APELA: variants seen among roughly 807,000 people sequenced by gnomAD.
APELA encodes apelin receptor early endogenous ligand.
At chr4:164,882,271 T>G (rs1018144942) in intron 2 of APELA, among the ~76,000 whole-genome samples, 1 of 151,914 alleles carries the variant, frequency 6.6e-6, no homozygotes, top group Non-Finnish European at 1.5e-5. Context: ...ACTCGGCTAA[T>G]TTTGTATTTT....
chr4:164,879,832 T>C (rs1307065030), intron 2 of APELA, among the ~76,000 whole-genome samples: 2 of 152,238 alleles, frequency 1.3e-5, no homozygotes, highest in East Asian at 1.9e-4. Context: ...TTAACACTAA[T>C]AAAATGGCAG....
At chr4:164,894,336 C>CA (rs34056903) in intron 2 of APELA, among the ~76,000 whole-genome samples, 13,174 of 151,262 alleles carry the variant, frequency 0.087, 1,643 homozygotes, top group African/African-American at 0.28. Context: ...GTTTGATAAG[C>CA]AAAAAAAATC....
chr4:164,892,520 T>C (rs1185792970), intron 2 of APELA, among the ~76,000 whole-genome samples: 1 of 152,186 alleles, frequency 6.6e-6, no homozygotes, highest in East Asian at 1.9e-4. Context: ...GTTGCTGAAT[T>C]TAGATTGCTA....
intron 2 of APELA, among the ~76,000 whole-genome samples, chr4:164,887,832 G>A (rs369849855): frequency 5.7e-4 from 86 of 152,092 alleles, no homozygotes; most frequent in African/African-American, 1.0e-3. Flanking sequence ...GGCTGGTCTC[G>A]AACTCCTGAC....
intron 2 of APELA, among the ~76,000 whole-genome samples, chr4:164,879,951 T>C (rs1579106308): frequency 6.6e-6 from 1 of 152,238 alleles, no homozygotes; most frequent in South Asian, 2.1e-4. Context: ...TAAATAATGT[T>C]AGACCACCAC....
At chr4:164,887,016 C>T (rs897001679) in intron 2 of APELA, among the ~76,000 whole-genome samples, 7 of 151,904 alleles carry the variant, frequency 4.6e-5, no homozygotes, top group East Asian at 1.9e-4. Context: ...TTAGTAGAGA[C>T]GGGGTTTCAC....
intron 2 of APELA, among the ~76,000 whole-genome samples, chr4:164,887,166 A>T (rs909569153): frequency 5.3e-5 from 8 of 152,138 alleles, no homozygotes; most frequent in African/African-American, 1.4e-4. Flanking sequence ...TCCTTACAAA[A>T]TGTGTAATAA....
downstream of APELA, chr4:164,898,617 C>A (rs375879757): frequency 9.4e-4 from 143 of 152,202 alleles, no homozygotes; most frequent in African/African-American, 3.3e-3. Context: ...ATGGTGCCAC[C>A]CCAATTTGGA....
At chr4:164,892,231 G>A (rs926407777) in intron 2 of APELA, among the ~76,000 whole-genome samples, 10 of 152,136 alleles carry the variant, frequency 6.6e-5, no homozygotes, top group African/African-American at 1.9e-4. Context: ...TGAAAGAATC[G>A]CCTGATCCCA....
chr4:164,877,206 A>G lies in APELA; in HGVS notation c.-126A>G, dbSNP rs1276602723. The stretch of plus-strand genomic sequence containing the variant: ...GTGATCATTAACCTTCCTGCAAAAC[A>G]CAGCTGGCAGTTCTCTGAGGTTTGT... On this transcript the variant is annotated 5_prime_UTR_variant, in exon 1 of 3. Transcript: ENST00000507152. 1 of 395,516 alleles carries G rather than the reference A, an allele frequency of 2.5e-6. No individual in the cohort carries two copies. Among genetic ancestry groups the G allele is most frequent in the Admixed American group, 4.4e-5 (1 of 22,642 alleles). The allele number at this position is 395,516 out of a possible 1,614,324, so 24.5% of individuals were successfully genotyped here. A position where few individuals can be genotyped will look rare whatever the true frequency, so the allele number is the denominator to read the frequency against.
chr4:164,878,515 G>T (rs954486418), intron 1 of APELA, among the ~76,000 whole-genome samples: 1 of 152,208 alleles, frequency 6.6e-6, no homozygotes, highest in Non-Finnish European at 1.5e-5. Flanking sequence ...ATTGTTTACA[G>T]CAGTCACTAT....
chr4:164,897,996 T>C (rs1355972819), downstream of APELA, among the ~76,000 whole-genome samples: 1 of 152,114 alleles, frequency 6.6e-6, no homozygotes, highest in Non-Finnish European at 1.5e-5. Context: ...GTTCAAGCGA[T>C]TCTGGTGCTT....
At chr4:164,882,422 C>G (rs1296436325) in intron 2 of APELA, among the ~76,000 whole-genome samples, 2 of 151,974 alleles carry the variant, frequency 1.3e-5, no homozygotes, top group Non-Finnish European at 2.9e-5. Context: ...TTTTTAATAA[C>G]AATTGTAATA....
chr4:164,893,279 C>G (rs1730914906), intron 2 of APELA, among the ~76,000 whole-genome samples: 1 of 152,070 alleles, frequency 6.6e-6, no homozygotes, highest in Non-Finnish European at 1.5e-5. Flanking sequence ...GCTGTATTCC[C>G]TAAATATTCA....
downstream of APELA, among the ~76,000 whole-genome samples, chr4:164,898,268 G>A (rs926533579): frequency 2.0e-4 from 31 of 151,560 alleles, no homozygotes; most frequent in East Asian, 4.0e-4. Flanking sequence ...TTGGGAGGCC[G>A]AGGATGGTGG....
At chr4:164,889,365 A>T (rs550020711) in intron 2 of APELA, among the ~76,000 whole-genome samples, 1 of 152,314 alleles carries the variant, frequency 6.6e-6, no homozygotes, top group East Asian at 1.9e-4. Flanking sequence ...TATACACATT[A>T]TTTAAACATA....
At chr4:164,893,464 C>A (rs1730916973) in intron 2 of APELA, among the ~76,000 whole-genome samples, 1 of 151,996 alleles carries the variant, frequency 6.6e-6, no homozygotes, top group South Asian at 2.1e-4. Flanking sequence ...TTCAATTCTG[C>A]CAGATTTTGC....
chr4:164,880,426 G>A (rs1462020753), intron 2 of APELA, among the ~76,000 whole-genome samples: 1 of 152,186 alleles, frequency 6.6e-6, no homozygotes, highest in Non-Finnish European at 1.5e-5. Flanking sequence ...AATCCAGAAA[G>A]ATACAGTAGG....
rs1730968326 is a variant in APELA, at chr4:164,895,995, T to A, written c.*581T>A. On this transcript the variant is annotated 3_prime_UTR_variant, in exon 3 of 3. Transcript: ENST00000507152. ...ATTTTATGATAAGCTTTAAGGTTTA[T>A]GAAAGTATGTTTTTTTATTTAATGA... The A allele has an allele frequency of 6.6e-6, 1 of 152,256 alleles. No individual in the cohort carries two copies. The highest frequency in any genetic ancestry group is 2.4e-5 in the African/African-American group (1 of 41,478). The allele number at this position is 152,256 out of a possible 1,614,324, so 9.4% of individuals were successfully genotyped here. A position where few individuals can be genotyped will look rare whatever the true frequency, so the allele number is the denominator to read the frequency against.
Sources: allele counts gnomAD v4.1 joint callset (sites outside exome capture counted in the v4.1 genomes callset), GRCh38; gene constraint gnomAD v4.1.1; transcripts MANE v1.5; gene names NCBI Gene and HGNC (gene_info 2026-07-23, HGNC 2026-07-21).